Variants in TSTD2 observed in about 807,000 individuals in gnomAD.
The protein encoded by TSTD2 is thiosulfate sulfurtransferase like domain containing 2.
A neutral mutation model predicts 47.9 loss-of-function variants in TSTD2; 37 were observed. The observed-to-expected ratio is 0.77, with a 90% CI of 0.59 to 1.02. The LOEUF is 1.02. Among genes scored for constraint, TSTD2 ranks in the 50% least tolerant of loss-of-function variants. The probability of loss-of-function intolerance (pLI) is 0.00; values close to 1 mark genes in which losing one functional copy is unlikely to be tolerated. For missense variants in TSTD2, 586 were observed against 616.0 expected (o/e 0.95, Z 0.52); for synonymous variants, 201 against 215.9 (o/e 0.93, Z 0.61).
In TSTD2 at chr9:97,604,707, C is replaced by T. The variant is rs779444237; in HGVS notation, c.1252+20G>A. ...AATGTGCTTCATTTCAGTTTGGGCT[C>T]TGAGCCTGTGCTGACCTACCTGACA... is the stretch of plus-strand genomic sequence containing the variant. On this transcript the variant is annotated intron_variant, in intron 9 of 9. Transcript: ENST00000341170. The T allele has an allele frequency of 2.5e-5, 41 of 1,613,376 alleles. No individual in the cohort carries two copies. The highest frequency in any genetic ancestry group is 3.3e-5 in the Non-Finnish European group (39 of 1,179,702).
At chr9:97,610,530 A>G (rs1826441180) in intron 5 of TSTD2, 79 bp from the exon 6 acceptor site, 1 of 1,084,180 alleles carries the variant, frequency 9.2e-7, no homozygotes, top group East Asian at 2.8e-5. Context: ...TATAAGAATG[A>G]TGGTCTGTTT....
chr9:97,623,154 T>C (rs368956021), intron 3 of TSTD2, among the ~76,000 whole-genome samples: 1 of 152,236 alleles, frequency 6.6e-6, no homozygotes, highest in South Asian at 2.1e-4. Context: ...TGGGAGGTAA[T>C]TGAATCACGG....
At chr9:97,615,787 G>C (rs962418354) in intron 4 of TSTD2, among the ~76,000 whole-genome samples, 6 of 152,144 alleles carry the variant, frequency 3.9e-5, no homozygotes, top group Non-Finnish European at 5.9e-5. Flanking sequence ...GTACATTCAG[G>C]TTTACTGTGA....
Position 97,601,342 on chromosome 9 carries a change from G to A in TSTD2, c.*1127C>T. ...AAGACTGGGCAGCCACCATGGCAGT[G>A]CTGGATGACCTCAGTAAGAATGTGT... On this transcript the variant is annotated 3_prime_UTR_variant, in exon 10 of 10. Transcript: ENST00000341170. 2 of 1,142,888 alleles carry A rather than the reference G, an allele frequency of 1.7e-6. No homozygotes were observed. Among genetic ancestry groups the A allele is most frequent in the Non-Finnish European group, 2.2e-6 (2 of 915,512 alleles). 70.8% of individuals were successfully genotyped at this position (1,142,888 alleles called of 1,614,324 possible).
chr9:97,614,702 C>T (rs113396344), intron 4 of TSTD2, among the ~76,000 whole-genome samples: 3,767 of 152,190 alleles, frequency 0.025, 165 homozygotes, highest in African/African-American at 0.086. Flanking sequence ...AATGTCAATA[C>T]CCTGAGCTGG....
chr9:97,606,335 T>G, intron 6 of TSTD2, 74 bp from the exon 7 acceptor site: 1 of 807,762 alleles, frequency 1.2e-6, no homozygotes, highest in Non-Finnish European at 2.0e-6. Flanking sequence ...TCACCCAGCC[T>G]GACTTACGTG....
At chr9:97,622,794 T>C (rs1439707466) in intron 3 of TSTD2, among the ~76,000 whole-genome samples, 2 of 152,254 alleles carry the variant, frequency 1.3e-5, no homozygotes, top group East Asian at 1.9e-4. Context: ...AGGACTTGCA[T>C]GGGGCCTGTG....
rs145024955 is a variant in TSTD2 at position 97,602,618 on chromosome 9, A to C, written c.1402T>G (p.Ser468Ala). 2.1e-3 allele frequency: 3,332 copies of C among 1,614,220 alleles called. 5 individuals are homozygous for C. Among genetic ancestry groups the C allele is most frequent in the Non-Finnish European group, 2.7e-3 (3,183 of 1,180,036 alleles). Residue 468 changes from serine (S) to alanine (A), a missense_variant, in exon 10 of 10, where the codon TCA becomes GCA. Physicochemically the swap from Ser to Ala is moderately conservative, Grantham distance 99. Transcript: ENST00000341170. ...TTAAAGCTGTCTTGCATAGGGCCTG[A>C]AACTTTCCTGCTCCCCTTGTCTTGA... ...TCQDKGSRKV[S>A]GPMQDSFKEE...
intron 4 of TSTD2, among the ~76,000 whole-genome samples, chr9:97,616,229 C>T (rs1394863709): frequency 1.3e-5 from 2 of 152,054 alleles, no homozygotes; most frequent in African/African-American, 2.4e-5. Flanking sequence ...ACTGAAAGAC[C>T]ATGTTGCTGG....
Position 97,606,280 on chromosome 9 carries a change from A to C in TSTD2, c.836-19T>G, listed in dbSNP as rs201168246. 6.8e-7 allele frequency: 1 copy of C among 1,479,772 alleles called. No homozygotes were observed. The highest frequency in any genetic ancestry group is 1.4e-5 in the African/African-American group (1 of 70,884). 91.7% of individuals were successfully genotyped at this position (1,479,772 alleles called of 1,614,324 possible). On this transcript the variant is annotated intron_variant, in intron 6 of 9. Transcript: ENST00000341170. ...TGGATTCCTAAAACCAAACCAAAAA[A>C]ATTATATTAAAACAAAGACAAAAAA...
chr9:97,615,231 C>T (rs1205025412), intron 4 of TSTD2, among the ~76,000 whole-genome samples: 1 of 152,180 alleles, frequency 6.6e-6, no homozygotes, highest in East Asian at 1.9e-4. Context: ...TGAGGAAGGC[C>T]TTGTAAGAAA....
In TSTD2 at chr9:97,627,394, C is replaced by A. The variant is rs188261698; in HGVS notation, c.165+4G>T. The A allele has an allele frequency of 1.6e-4, 249 of 1,590,226 alleles. No homozygotes were observed. The African/African-American group carries it at 3.1e-3, about 20-fold the overall frequency. On this transcript the variant is annotated splice_donor_region_variant and intron_variant, in intron 2 of 9. Coordinates refer to ENST00000341170, the MANE Select transcript of TSTD2 (RefSeq NM_139246.5). ...TGATCATGAAACATTCATAAGAATT[C>A]TACCTTTTTCTTTGCAAACGAGTAT...
chr9:97,624,923 AC>A (rs1554689917), intron 3 of TSTD2, among the ~76,000 whole-genome samples: 1 of 151,478 alleles, frequency 6.6e-6, no homozygotes, highest in African/African-American at 2.4e-5. Flanking sequence ...CTTAAAAGAA[AC>A]CCCCCCTTTT....
At chr9:97,614,373 C>G (rs375989461) in intron 4 of TSTD2, among the ~76,000 whole-genome samples, 1 of 143,776 alleles carries the variant, frequency 7.0e-6, no homozygotes, top group African/African-American at 2.9e-5. Context: ...ACATGCACTT[C>G]TGGTTTTGTC....
intron 9 of TSTD2, chr9:97,604,429 G>A: frequency 6.7e-6 from 2 of 297,100 alleles, no homozygotes; most frequent in Non-Finnish European, 1.2e-5. Context: ...AATTAGCCCA[G>A]TAGTACAGCT....
chr9:97,619,946 T>G (rs1826603683), intron 3 of TSTD2, among the ~76,000 whole-genome samples: 1 of 152,186 alleles, frequency 6.6e-6, no homozygotes, highest in Non-Finnish European at 1.5e-5. Context: ...TATGACTTGG[T>G]GAGTTTTTCA....
At chr9:97,608,461 C>T (rs1426665488) in intron 6 of TSTD2, among the ~76,000 whole-genome samples, 2 of 151,944 alleles carry the variant, frequency 1.3e-5, no homozygotes, top group Non-Finnish European at 2.9e-5. Flanking sequence ...TGTGGCGAAA[C>T]CCCATCTCTA....
intron 1 of TSTD2, among the ~76,000 whole-genome samples, chr9:97,632,548 A>G (rs1018036599): frequency 2.4e-5 from 2 of 81,936 alleles, no homozygotes; most frequent in Non-Finnish European, 5.0e-5. Context: ...AGGCTCAGCT[A>G]ATTTTTTTTT....
intron 3 of TSTD2, among the ~76,000 whole-genome samples, chr9:97,622,012 G>A (rs903302246): frequency 1.3e-5 from 2 of 152,144 alleles, no homozygotes; most frequent in African/African-American, 2.4e-5. Flanking sequence ...CGGACACCTA[G>A]CTGTAAAATT....
Sources: allele counts gnomAD v4.1 joint callset (sites outside exome capture counted in the v4.1 genomes callset), GRCh38; gene constraint gnomAD v4.1.1; transcripts MANE v1.5; gene names NCBI Gene and HGNC (gene_info 2026-07-23, HGNC 2026-07-21).